Variants in MED13 observed in about 807,000 individuals in gnomAD.
The protein encoded by MED13 is mediator complex subunit 13.
In MED13, 23 loss-of-function variants were observed where a neutral mutation model predicts 225.2. The ratio of observed to expected loss-of-function variants is 0.10; its 90% confidence interval spans 0.07 to 0.14. The LOEUF (loss-of-function observed/expected upper bound fraction) is 0.14, where lower values mean the gene tolerates loss of function less well. Ranked by LOEUF, MED13 falls within the 10% of genes least tolerant of loss-of-function variation. The pLI, the probability that MED13 is intolerant of heterozygous loss-of-function variation, is 1.00. For missense variants in MED13, 2,197 were observed against 2,594.5 expected, an observed-to-expected ratio of 0.85 and a Z score of 3.33; for synonymous variants, 942 against 889.2, an observed-to-expected ratio of 1.06 and a Z score of -1.06.
At chr17:61,991,997 T>C (rs149076090) in intron 11 of MED13, among the ~76,000 whole-genome samples, 12 of 152,330 alleles carry the variant, frequency 7.9e-5, no homozygotes, top group African/African-American at 2.4e-4. Flanking sequence ...AGAGAACTGA[T>C]AGTCTTCGAA....
chr17:61,953,843 T>G lies in MED13; in HGVS notation c.5969-730A>C, dbSNP rs1340153354. On this transcript the variant is annotated intron_variant, in intron 26 of 29. Transcript: ENST00000397786. ...GGACTACAGTATTCCCCCTTATCCATGGGGAATATGTCCCAAGACCCACCC... is the reference window on the plus strand; with the variant it reads ...GGACTACAGTATTCCCCCTTATCCAGGGGGAATATGTCCCAAGACCCACCC... 2.0e-5 allele frequency among the ~76,000 whole-genome samples: 3 copies of G among 152,340 alleles called. No homozygotes were observed. The East Asian group carries it at 5.8e-4, about 29-fold the overall frequency.
At position 62,006,220 on chromosome 17, in the gene MED13, T is replaced by C. The variant is rs1295412129; in HGVS notation, c.1967+4330A>G. 2.5e-5 allele frequency: 3 copies of C among 119,766 alleles called. No homozygotes were observed. In the Admixed American group the frequency reaches 3.1e-4, roughly 12 times the overall value. The allele number at this position is 119,766 out of a possible 1,614,324, so 7.4% of individuals were successfully genotyped here. ...TCCGGACAGAAATGAGAAGAAGGGG[T>C]TACTTTGGTCACACTGCCTATGGGT... On this transcript the variant is annotated intron_variant, in intron 9 of 29. Transcript: ENST00000397786.
chr17:61,993,657 C>T (rs559109858), intron 10 of MED13, among the ~76,000 whole-genome samples: 6 of 151,640 alleles, frequency 4.0e-5, no homozygotes, highest in South Asian at 2.1e-4. Flanking sequence ...GGGCCAGGCA[C>T]GGTGGCTCAC....
chr17:61,985,922 T>C (rs2080243564), intron 12 of MED13, among the ~76,000 whole-genome samples: 1 of 152,338 alleles, frequency 6.6e-6, no homozygotes, highest in South Asian at 2.1e-4. Context: ...GAAGATCTAA[T>C]GACAAAGCAA....
chr17:61,952,594 C>T (rs1444159488), intron 27 of MED13, among the ~76,000 whole-genome samples: 1 of 152,146 alleles, frequency 6.6e-6, no homozygotes, highest in Non-Finnish European at 1.5e-5. Flanking sequence ...TGTAGAAATG[C>T]ATGAATGTAC....
intron 9 of MED13, among the ~76,000 whole-genome samples, chr17:62,003,435 G>A (rs930009628): frequency 2.6e-5 from 4 of 151,668 alleles, no homozygotes; most frequent in East Asian, 1.9e-4. Context: ...GTGACACCTC[G>A]TCTCTACTAA....
rs757744361 is a variant in MED13, at chr17:61,995,212, G to C, written c.2121C>G (p.Phe707Leu). 1.9e-6 allele frequency: 3 copies of C among 1,613,512 alleles called. No individual in the cohort carries two copies. Among genetic ancestry groups the C allele is most frequent in the Admixed American group, 1.7e-5 (1 of 59,946 alleles). ...PYAFVEGDEE[F>L]LFPDKKDRQN... ...GTCTATCTTTTTTATCAGGAAAAAGGAATTCCTCATCTCCTTCAACAAATG... is the reference window on the plus strand; with the variant it reads ...GTCTATCTTTTTTATCAGGAAAAAGCAATTCCTCATCTCCTTCAACAAATG... Residue 707 changes from phenylalanine (F) to leucine (L), a missense_variant, in exon 10 of 30, where the codon TTC (phenylalanine) becomes TTG (leucine). Physicochemically the swap from Phe to Leu is conservative, Grantham distance 22. Coordinates refer to ENST00000397786, the MANE Select transcript of MED13 (RefSeq NM_005121.3).
At chr17:62,047,276 C>A (rs2080906775) in intron 3 of MED13, among the ~76,000 whole-genome samples, 1 of 152,080 alleles carries the variant, frequency 6.6e-6, no homozygotes, top group Admixed American at 6.6e-5. Flanking sequence ...GAGGCTAAGG[C>A]AGGAGAATTG....
At chr17:61,962,478 C>T (rs115587679) in intron 21 of MED13, among the ~76,000 whole-genome samples, 1,948 of 152,150 alleles carry the variant, frequency 0.013, 40 homozygotes, top group African/African-American at 0.044. Context: ...TATTTAGGCT[C>T]ATGAATTTAA....
intron 4 of MED13, among the ~76,000 whole-genome samples, chr17:62,034,310 C>A (rs2080783238): frequency 1.3e-5 from 2 of 151,536 alleles, no homozygotes; most frequent in South Asian, 2.1e-4. Context: ...CATGGTGAAA[C>A]CCTGTCTCTA....
chr17:62,064,843 G>A (rs904100665), intron 1 of MED13, among the ~76,000 whole-genome samples: 2 of 152,190 alleles, frequency 1.3e-5, no homozygotes, highest in Non-Finnish European at 2.9e-5. Context: ...CAAGACAAGA[G>A]GGAAAGGTTA....
chr17:62,028,028 C>T (rs781722702), intron 8 of MED13, among the ~76,000 whole-genome samples: 10 of 152,016 alleles, frequency 6.6e-5, no homozygotes, highest in Admixed American at 1.3e-4. Context: ...AACTACCATC[C>T]GACCCAGCAA....
intron 17 of MED13, among the ~76,000 whole-genome samples, chr17:61,970,726 G>GTTTT (rs10685140): frequency 5.5e-5 from 6 of 109,536 alleles, no homozygotes; most frequent in African/African-American, 1.1e-4. Context: ...AGTTATTTAG[G>GTTTT]TTTTTTTTTT....
chr17:61,951,358 A>G (rs1016362545), intron 27 of MED13, among the ~76,000 whole-genome samples: 2 of 152,170 alleles, frequency 1.3e-5, no homozygotes, highest in Non-Finnish European at 2.9e-5. Context: ...CCACACCCCA[A>G]TCAAAAGGTG....
chr17:62,036,153 A>G (rs773662731), intron 3 of MED13, among the ~76,000 whole-genome samples: 5 of 151,766 alleles, frequency 3.3e-5, no homozygotes, highest in Non-Finnish European at 5.9e-5. Context: ...GGCGGACAAC[A>G]GAATTAACAG....
intron 9 of MED13, among the ~76,000 whole-genome samples, chr17:62,008,087 G>T (rs2143576185): frequency 6.7e-6 from 1 of 150,340 alleles, no homozygotes; most frequent in South Asian, 2.1e-4. Flanking sequence ...GGAGGCCGGG[G>T]CGGGCGGATC....
chr17:62,006,255 C>A (rs2080446431), intron 9 of MED13: 1 of 112,216 alleles, frequency 8.9e-6, no homozygotes, highest in Admixed American at 1.4e-4. Flanking sequence ...TGTAGCCCTG[C>A]TCTGCAAGGA....
chr17:62,045,084 A>T (rs1297555429), intron 3 of MED13, among the ~76,000 whole-genome samples: 3 of 152,244 alleles, frequency 2.0e-5, no homozygotes, highest in Non-Finnish European at 4.4e-5. Context: ...GGAATGGGGT[A>T]AGATTAAAGT....
At chr17:62,055,539 G>A (rs2080990103) in intron 2 of MED13, among the ~76,000 whole-genome samples, 1 of 151,950 alleles carries the variant, frequency 6.6e-6, no homozygotes, top group African/African-American at 2.4e-5. Flanking sequence ...TATTTAATGT[G>A]AGGCCATGTG....
Sources: gnomAD v4.1 joint callset for allele counts (sites outside exome capture counted in the v4.1 genomes callset) on GRCh38, gnomAD v4.1.1 for gene constraint, MANE v1.5 for transcripts, NCBI Gene and HGNC (gene_info 2026-07-23, HGNC 2026-07-21) for gene names.